NWD1: variants seen among roughly 807,000 people sequenced by gnomAD.
The protein encoded by NWD1 is NACHT domain- and WD repeat-containing protein 1.
In NWD1, 129 loss-of-function variants were observed where a neutral mutation model predicts 135.1. The observed-to-expected ratio is 0.96, with a 90% CI of 0.83 to 1.11. The LOEUF (loss-of-function observed/expected upper bound fraction) is 1.11, where lower values mean the gene tolerates loss of function less well. Among genes scored for constraint, NWD1 ranks in the 50% least tolerant of loss-of-function variants. The pLI, the probability that NWD1 is intolerant of heterozygous loss-of-function variation, is 0.00. For missense variants in NWD1, 1,740 were observed against 1,851.3 expected, an observed-to-expected ratio of 0.94 and a Z score of 1.10; for synonymous variants, 773 against 786.0, an observed-to-expected ratio of 0.98 and a Z score of 0.28.
At chr19:16,754,179 A>C (rs1019166839) in intron 6 of NWD1, among the ~76,000 whole-genome samples, 1 of 148,606 alleles carries the variant, frequency 6.7e-6, no homozygotes, top group Non-Finnish European at 1.5e-5. Flanking sequence ...CCATCTATCC[A>C]TCATCTCGAT....
intron 7 of NWD1, 44 bp from the exon 8 acceptor site, chr19:16,761,935 T>C: frequency 6.4e-7 from 1 of 1,557,494 alleles, no homozygotes; most frequent in Non-Finnish European, 8.8e-7. Flanking sequence ...CCTTTGAGCT[T>C]GATGGGTCAC....
chr19:16,755,230 G>A lies in NWD1; in HGVS notation c.1770-3995G>A, dbSNP rs148881171. 6.5e-3 allele frequency among the ~76,000 whole-genome samples: 981 copies of A among 151,178 alleles called. 12 individuals carry two copies. The highest frequency in any genetic ancestry group is 0.023 in the African/African-American group (939 of 41,154). ...TAATATCTCTCTCTCTCTTTTTTGG[G>A]GGGGGACAGGGTCTCACTCTCTTGA... On this transcript the variant is annotated intron_variant, in intron 6 of 18. Transcript: ENST00000524140.
chr19:16,797,094 C>T (rs1159116360), intron 15 of NWD1, among the ~76,000 whole-genome samples: 6 of 151,312 alleles, frequency 4.0e-5, no homozygotes, highest in Admixed American at 6.6e-5. Context: ...GCAGGAGAAT[C>T]GCTTGAACCC....
chr19:16,799,513 T>G (rs1970528481), intron 16 of NWD1, among the ~76,000 whole-genome samples: 1 of 151,552 alleles, frequency 6.6e-6, no homozygotes, highest in Non-Finnish European at 1.5e-5. Context: ...ATTTTTATTT[T>G]TATTTTTTTT....
intron 12 of NWD1, among the ~76,000 whole-genome samples, chr19:16,780,096 C>T (rs1297771847): frequency 6.6e-6 from 1 of 151,952 alleles, no homozygotes; most frequent in East Asian, 1.9e-4. Flanking sequence ...CAACTTTGCT[C>T]CACGTGGTCT....
In NWD1 at chr19:16,815,633, T is replaced by C. The variant is rs1039068527; in HGVS notation, c.*594T>C. 7 of 325,452 alleles carry C rather than the reference T, an allele frequency of 2.2e-5. No homozygotes were observed. The highest frequency in any genetic ancestry group is 1.5e-4 in the African/African-American group (7 of 46,258). 20.2% of individuals were successfully genotyped at this position (325,452 alleles called of 1,614,324 possible). A position where few individuals can be genotyped will look rare whatever the true frequency, so the allele number is the denominator to read the frequency against. On this transcript the variant is annotated 3_prime_UTR_variant, in exon 19 of 19. Coordinates refer to ENST00000524140, the MANE Select transcript of NWD1 (RefSeq NM_001007525.5). ...TAGCCTCAACTCTACTGGTCCCAATTGGCCCATACGCCTAGCCCTAAACCA... is the reference window on the plus strand; with the variant it reads ...TAGCCTCAACTCTACTGGTCCCAATCGGCCCATACGCCTAGCCCTAAACCA...
rs964858645 is a variant in NWD1, at chr19:16,814,739, C to T, written c.4288-289C>T. On this transcript the variant is annotated intron_variant, in intron 18 of 18. Transcript: ENST00000524140. ...TTCACAACCTCTCTTCCTTCTCCTC[C>T]TTCAACAATAATATTTACTGAGCTC... Among the ~76,000 whole-genome samples the T allele has an allele frequency of 9.8e-5, 15 of 152,296 alleles. No homozygotes were observed. The East Asian group carries it at 2.9e-3, about 29-fold the overall frequency.
chr19:16,759,470 A>T, intron 7 of NWD1, 42 bp downstream of exon 7: 1 of 1,458,874 alleles, frequency 6.9e-7, no homozygotes, highest in Non-Finnish European at 9.3e-7. Context: ...TCTGGGTGGG[A>T]CCCCAAGAAT....
chr19:16,791,652 C>G, intron 14 of NWD1, 30 bp downstream of exon 14: 1 of 1,602,968 alleles, frequency 6.2e-7, no homozygotes, highest in Non-Finnish European at 8.5e-7. Context: ...ATGATGTGAA[C>G]ATTAACTCAG....
At chr19:16,755,575 G>A (rs1968759784) in intron 6 of NWD1, among the ~76,000 whole-genome samples, 1 of 151,954 alleles carries the variant, frequency 6.6e-6, no homozygotes, top group South Asian at 2.1e-4. Context: ...CTTTAGTAGA[G>A]ACAGGGTTTT....
intron 8 of NWD1, among the ~76,000 whole-genome samples, chr19:16,763,504 G>A (rs1969098649): frequency 6.6e-6 from 1 of 152,030 alleles, no homozygotes; most frequent in African/African-American, 2.4e-5. Flanking sequence ...CTGTTCCCTT[G>A]CCCTGGAATG....
At chr19:16,740,281 AG>A (rs1490183943) in intron 4 of NWD1, among the ~76,000 whole-genome samples, 2 of 152,144 alleles carry the variant, frequency 1.3e-5, no homozygotes, top group Admixed American at 6.6e-5. Flanking sequence ...CCTGGGTGCC[AG>A]AGGAAGAGTC....
At chr19:16,809,565 T>G (rs141279879) in intron 18 of NWD1, among the ~76,000 whole-genome samples, 1 of 115,048 alleles carries the variant, frequency 8.7e-6, no homozygotes, top group Admixed American at 7.8e-5. Flanking sequence ...TTTTCTTTTT[T>G]TTTTTTTGAG....
chr19:16,808,321 A>G lies in NWD1; in HGVS notation c.4287+185A>G, dbSNP rs567472602. ...TCCCAGTACTTTTGGAGGCTGAGGC[A>G]GGCGGATCACCTGAGATCGGGAGTT... On this transcript the variant is annotated intron_variant, in intron 18 of 18. Transcript: ENST00000524140. Among the ~76,000 whole-genome samples the G allele has an allele frequency of 1.2e-4, 18 of 152,212 alleles. No individual in the cohort carries two copies. In the Middle Eastern group the frequency reaches 0.01, roughly 86 times the overall value.
At chr19:16,722,218 G>C (rs1967163765) in intron 1 of NWD1, among the ~76,000 whole-genome samples, 1 of 151,820 alleles carries the variant, frequency 6.6e-6, no homozygotes, top group Admixed American at 6.6e-5. Context: ...AGGATCACTT[G>C]AGGACAGGAG....
chr19:16,720,382 T>G (rs954182495), intron 1 of NWD1, 89 bp downstream of exon 1: 2 of 152,158 alleles, frequency 1.3e-5, no homozygotes, highest in African/African-American at 2.4e-5. Flanking sequence ...AGAGACAGCC[T>G]CTCAGGAGGA....
At chr19:16,783,360 A>C (rs28845907) in intron 12 of NWD1, among the ~76,000 whole-genome samples, 26,401 of 151,734 alleles carry the variant, frequency 0.17, 5,183 homozygotes, top group African/African-American at 0.48. Context: ...AAAGGTGGGG[A>C]ACGGTGGCTC....
intron 17 of NWD1, among the ~76,000 whole-genome samples, chr19:16,804,554 C>T (rs2547104): frequency 0.12 from 18,124 of 150,476 alleles, 2,140 homozygotes; most frequent in African/African-American, 0.3. Flanking sequence ...ATGATAATGC[C>T]ACTGCACTCC....
chr19:16,753,178 C>G (rs943895272), intron 6 of NWD1, among the ~76,000 whole-genome samples: 2 of 152,202 alleles, frequency 1.3e-5, no homozygotes, highest in Non-Finnish European at 2.9e-5. Context: ...CTCTTGTAGA[C>G]TCTTCCTTCG....
Sources: gnomAD v4.1 joint callset for allele counts (sites outside exome capture counted in the v4.1 genomes callset) on GRCh38, gnomAD v4.1.1 for gene constraint, MANE v1.5 for transcripts, NCBI Gene and HGNC (gene_info 2026-07-23, HGNC 2026-07-21) for gene names.